Variants in CACNA2D3 observed in about 807,000 individuals in gnomAD.
The protein encoded by CACNA2D3 is voltage-dependent calcium channel subunit alpha-2/delta-3.
Under a neutral mutation model 160.6 loss-of-function variants are expected in CACNA2D3, and 60 were observed. The observed-to-expected ratio is 0.37, with a 90% confidence interval of 0.30 to 0.46. The LOEUF is 0.46. Among genes scored for constraint, CACNA2D3 ranks in the 20% least tolerant of loss-of-function variants. The probability of loss-of-function intolerance (pLI) is 1.00; values close to 1 mark genes in which losing one functional copy is unlikely to be tolerated. For synonymous variants in CACNA2D3, 558 were observed against 492.9 expected, an observed-to-expected ratio of 1.13 and a Z score of -1.75; for missense variants, 1,205 against 1,365.0, an observed-to-expected ratio of 0.88 and a Z score of 1.85.
Position 54,871,219 on chromosome 3 carries a change from ACACACC to A in CACNA2D3, c.1627-318_1627-313del, listed in dbSNP as rs1346618095. Among the ~76,000 whole-genome samples the A allele has an allele frequency of 4.0e-4, 42 of 104,600 alleles. 1 individual carries two copies. The highest frequency in any genetic ancestry group is 1.3e-3 in the African/African-American group (37 of 28,370). The allele number at this position is 104,600 out of a possible 152,430, so 68.6% of individuals were successfully genotyped here. A position where few individuals can be genotyped will look rare whatever the true frequency, so the allele number is the denominator to read the frequency against. On this transcript the variant is annotated intron_variant, in intron 17 of 37. Coordinates refer to ENST00000474759, the MANE Select transcript of CACNA2D3 (RefSeq NM_018398.3). ...CACACACACACACACACACACACAC[ACACACC>A]CCCCATTCAAGGAGGGGACAGATTT...
intron 9 of CACNA2D3, among the ~76,000 whole-genome samples, chr3:54,582,818 A>G (rs1458037807): frequency 6.6e-6 from 1 of 152,170 alleles, no homozygotes; most frequent in Admixed American, 6.5e-5. Context: ...AGAAGCACTT[A>G]ATTTAGGTAT....
chr3:54,925,458 C>G (rs535429886), intron 27 of CACNA2D3, among the ~76,000 whole-genome samples: 2 of 152,154 alleles, frequency 1.3e-5, no homozygotes, highest in South Asian at 4.1e-4. Context: ...GAAAGATACT[C>G]TCAGTGTCTT....
intron 9 of CACNA2D3, among the ~76,000 whole-genome samples, chr3:54,583,923 C>T (rs2106743302): frequency 6.6e-6 from 1 of 151,878 alleles, no homozygotes; most frequent in Non-Finnish European, 1.5e-5. Context: ...AAAAGAAAGT[C>T]CCAGAAAATC....
intron 3 of CACNA2D3, among the ~76,000 whole-genome samples, chr3:54,363,810 T>C (rs943599927): frequency 5.3e-5 from 8 of 152,178 alleles, no homozygotes; most frequent in Middle Eastern, 3.4e-3. Context: ...TGGAGTGAGG[T>C]TGGGTCCAGG....
At chr3:54,878,177 A>G (rs1699708814) in intron 18 of CACNA2D3, among the ~76,000 whole-genome samples, 1 of 152,074 alleles carries the variant, frequency 6.6e-6, no homozygotes, top group Admixed American at 6.5e-5. Context: ...TCCTCAAAGG[A>G]GAAAAGAGGG....
intron 27 of CACNA2D3, among the ~76,000 whole-genome samples, chr3:54,903,018 T>C (rs1444146052): frequency 6.6e-6 from 1 of 152,246 alleles, no homozygotes; most frequent in East Asian, 1.9e-4. Context: ...CATTTTGTTT[T>C]GTTATAACAG....
chr3:54,626,360 G>A (rs1699102057), intron 9 of CACNA2D3: 8 of 1,559,222 alleles, frequency 5.1e-6, no homozygotes, highest in South Asian at 1.2e-5. Context: ...CGGGGCCTGC[G>A]GCGGAAGCAG....
intron 10 of CACNA2D3, among the ~76,000 whole-genome samples, chr3:54,640,638 A>C (rs143458456): frequency 1.3e-3 from 193 of 152,336 alleles, no homozygotes; most frequent in Middle Eastern, 6.8e-3. Flanking sequence ...AGCATGCCAT[A>C]CATGCTAACG....
intron 9 of CACNA2D3, among the ~76,000 whole-genome samples, chr3:54,589,545 CT>C (rs1426443821): frequency 1.3e-5 from 2 of 148,350 alleles, no homozygotes; most frequent in Admixed American, 1.3e-4. Flanking sequence ...TAAAATGGAT[CT>C]CATTAAAATG....
At chr3:54,189,851 T>A (rs1376128971) in intron 2 of CACNA2D3, among the ~76,000 whole-genome samples, 1 of 152,214 alleles carries the variant, frequency 6.6e-6, no homozygotes, top group Non-Finnish European at 1.5e-5. Context: ...GTTGTTTTCT[T>A]ATGTCATTAA....
chr3:54,448,562 A>C (rs541380461), intron 4 of CACNA2D3, among the ~76,000 whole-genome samples: 1 of 152,334 alleles, frequency 6.6e-6, no homozygotes, highest in South Asian at 2.1e-4. Context: ...GAGGGATGCC[A>C]GAAGGCCCAA....
chr3:54,910,256 TC>T (rs1325137601), intron 27 of CACNA2D3, among the ~76,000 whole-genome samples: 3 of 152,334 alleles, frequency 2.0e-5, no homozygotes, highest in Middle Eastern at 3.4e-3. Context: ...TTACCATTCT[TC>T]CACCAACTTC....
intron 5 of CACNA2D3, among the ~76,000 whole-genome samples, chr3:54,550,470 C>T (rs1702138401): frequency 6.6e-6 from 1 of 152,208 alleles, no homozygotes; most frequent in Admixed American, 6.5e-5. Flanking sequence ...GGTTTCACAC[C>T]CCCAAATGTG....
intron 2 of CACNA2D3, among the ~76,000 whole-genome samples, chr3:54,189,027 A>T (rs1559876551): frequency 6.6e-6 from 1 of 152,234 alleles, no homozygotes; most frequent in Admixed American, 6.5e-5. Context: ...AAGCCATGGC[A>T]TCTAAGCCTC....
At chr3:54,154,974 A>AACGGG (rs1700220064) in intron 2 of CACNA2D3, among the ~76,000 whole-genome samples, 1 of 152,224 alleles carries the variant, frequency 6.6e-6, no homozygotes, top group South Asian at 2.1e-4. Context: ...TTTAAATGAA[A>AACGGG]ACCTTGAATC....
chr3:54,648,291 A>C lies in CACNA2D3; in HGVS notation c.1167+6050A>C, dbSNP rs189610066. On this transcript the variant is annotated intron_variant, in intron 11 of 37. Transcript: ENST00000474759. ...GCATGAGAACATTATATAGAATTCAAATTTCAGTGTCCACAAGTAAGGTAT... is the reference window on the plus strand; with the variant it reads ...GCATGAGAACATTATATAGAATTCACATTTCAGTGTCCACAAGTAAGGTAT... Among the ~76,000 whole-genome samples, 31 of 152,348 alleles carry C rather than the reference A, an allele frequency of 2.0e-4. 1 individual carries two copies. The highest frequency in any genetic ancestry group is 6.8e-3 in the Middle Eastern group (2 of 294).
intron 4 of CACNA2D3, among the ~76,000 whole-genome samples, chr3:54,394,020 A>T (rs1458932918): frequency 6.6e-6 from 1 of 152,102 alleles, no homozygotes; most frequent in African/African-American, 2.4e-5. Context: ...GTGTCTCACC[A>T]TCTGGGGGTC....
chr3:54,646,582 C>G (rs1699656098), intron 11 of CACNA2D3, among the ~76,000 whole-genome samples: 1 of 152,036 alleles, frequency 6.6e-6, no homozygotes, highest in African/African-American at 2.4e-5. Context: ...TGATCTTTTT[C>G]CTTTTTATGG....
At chr3:54,338,369 T>C (rs559909430) in intron 3 of CACNA2D3, among the ~76,000 whole-genome samples, 1 of 152,192 alleles carries the variant, frequency 6.6e-6, no homozygotes, top group Non-Finnish European at 1.5e-5. Flanking sequence ...TGTGAGCATG[T>C]TGCTGTTGCC....
Sources: allele counts gnomAD v4.1 joint callset (sites outside exome capture counted in the v4.1 genomes callset), GRCh38; gene constraint gnomAD v4.1.1; transcripts MANE v1.5; gene names NCBI Gene and HGNC (gene_info 2026-07-23, HGNC 2026-07-21).